FHOD3: variants seen among roughly 807,000 people sequenced by gnomAD.
FHOD3 encodes FH1/FH2 domain-containing protein 3.
Under a neutral mutation model 173.0 loss-of-function variants are expected in FHOD3, and 90 were observed. The observed-to-expected ratio is 0.52, with a 90% CI of 0.44 to 0.62. The LOEUF is 0.62. FHOD3 is among the 20% of genes least tolerant of loss of function. FHOD3 has a pLI of 0.00. For synonymous variants in FHOD3, 828 were observed against 823.0 expected (o/e 1.01, Z -0.10); for missense variants, 1,945 against 2,034.7 (o/e 0.96, Z 0.85).
intron 5 of FHOD3, among the ~76,000 whole-genome samples, chr18:36,525,852 C>G (rs188140308): frequency 7.9e-5 from 12 of 152,340 alleles, no homozygotes; most frequent in Admixed American, 7.2e-4. Flanking sequence ...ATAAAGGACT[C>G]TCTTCCACAC....
intron 9 of FHOD3, among the ~76,000 whole-genome samples, chr18:36,614,163 A>T (rs192714881): frequency 6.6e-6 from 1 of 152,250 alleles, no homozygotes; most frequent in East Asian, 1.9e-4. Context: ...GACACTCTAC[A>T]TTCTTCCCTG....
At chr18:36,369,442 C>A (rs1301473649) in intron 2 of FHOD3, among the ~76,000 whole-genome samples, 1 of 27,596 alleles carries the variant, frequency 3.6e-5, no homozygotes, top group Non-Finnish European at 5.9e-5. Flanking sequence ...TTTATTTAAA[C>A]ACACACACAC....
At chr18:36,366,099 C>A (rs958319674) in intron 2 of FHOD3, among the ~76,000 whole-genome samples, 1 of 152,146 alleles carries the variant, frequency 6.6e-6, no homozygotes, top group Non-Finnish European at 1.5e-5. Flanking sequence ...GTTGCACACA[C>A]AGGAGGCACA....
intron 3 of FHOD3, among the ~76,000 whole-genome samples, chr18:36,427,776 A>G (rs543999772): frequency 2.6e-5 from 4 of 152,334 alleles, no homozygotes; most frequent in South Asian, 4.1e-4. Flanking sequence ...AGATGGATGG[A>G]TGAATGGATA....
chr18:36,563,765 T>C (rs1394155571), intron 5 of FHOD3, among the ~76,000 whole-genome samples: 1 of 152,208 alleles, frequency 6.6e-6, no homozygotes, highest in African/African-American at 2.4e-5. Flanking sequence ...TGGAAACTCA[T>C]GTGTCTTCTC....
intron 1 of FHOD3, among the ~76,000 whole-genome samples, chr18:36,354,091 A>T (rs1014375050): frequency 1.3e-5 from 2 of 152,232 alleles, no homozygotes; most frequent in Non-Finnish European, 1.5e-5. Flanking sequence ...CTAAGGCAAG[A>T]CTGTGTGCCT....
intron 18 of FHOD3, 61 bp downstream of exon 18, chr18:36,709,452 G>A: frequency 6.5e-7 from 1 of 1,538,258 alleles, no homozygotes; most frequent in Non-Finnish European, 8.8e-7. Flanking sequence ...GCAGGGGCTG[G>A]TTCTCTAAGA....
At chr18:36,646,315 A>G (rs1260038415) in intron 10 of FHOD3, among the ~76,000 whole-genome samples, 1 of 152,196 alleles carries the variant, frequency 6.6e-6, no homozygotes, top group Admixed American at 6.5e-5. Flanking sequence ...ATACCTAAAA[A>G]TAAAGATATC....
chr18:36,653,399 A>T lies in FHOD3; in HGVS notation c.1704A>T (p.Arg568=). 1 of 1,533,234 alleles carries T rather than the reference A, an allele frequency of 6.5e-7. No homozygotes were observed. Among genetic ancestry groups the T allele is most frequent in the Non-Finnish European group, 8.7e-7 (1 of 1,145,080 alleles). The allele number at this position is 1,533,234 out of a possible 1,614,324, so 95.0% of individuals were successfully genotyped here. ...CTGCCTCTGAGCCTTACCACTTCCGATCTTTCTCTTCTAATAGGTGGGTGT... is the reference window on the plus strand; with the variant it reads ...CTGCCTCTGAGCCTTACCACTTCCGTTCTTTCTCTTCTAATAGGTGGGTGT... ...TYSASEPYHF[R]SFSSNRYSNF... The change falls in exon 13 of 29, where the codon CGA becomes CGT. Residue 568 remains arginine (R), a synonymous_variant. Transcript: ENST00000590592.
chr18:36,421,257 C>T (rs935093520), intron 3 of FHOD3, among the ~76,000 whole-genome samples: 2 of 151,300 alleles, frequency 1.3e-5, no homozygotes, highest in Non-Finnish European at 3.0e-5. Flanking sequence ...TAGGGAAATA[C>T]ACACAAATTG....
chr18:36,347,193 G>A (rs1006610465), intron 1 of FHOD3, among the ~76,000 whole-genome samples: 1 of 152,224 alleles, frequency 6.6e-6, no homozygotes, highest in African/African-American at 2.4e-5. Flanking sequence ...TGAATAAAGT[G>A]AAACGGAAAA....
At chr18:36,698,976 AG>A (rs2149552535) in intron 17 of FHOD3, among the ~76,000 whole-genome samples, 1 of 152,284 alleles carries the variant, frequency 6.6e-6, no homozygotes, top group African/African-American at 2.4e-5. Context: ...TTTGTCCCAG[AG>A]GGAGACATTG....
intron 3 of FHOD3, among the ~76,000 whole-genome samples, chr18:36,422,320 A>G (rs1338961654): frequency 6.6e-6 from 1 of 152,078 alleles, no homozygotes; most frequent in Admixed American, 6.6e-5. Context: ...AGAGCTTCCT[A>G]TTTCTTAACA....
intron 3 of FHOD3, among the ~76,000 whole-genome samples, chr18:36,444,152 C>G (rs2051324051): frequency 6.7e-6 from 1 of 150,156 alleles, no homozygotes; most frequent in Non-Finnish European, 1.5e-5. Context: ...GAGATCATGC[C>G]CCTGCCCTCC....
chr18:36,580,543 C>T (rs952792240), intron 6 of FHOD3, among the ~76,000 whole-genome samples: 9 of 152,216 alleles, frequency 5.9e-5, no homozygotes, highest in African/African-American at 1.7e-4. Context: ...GCAGGGTGTG[C>T]TCTGTTCTAG....
rs1410167470 is a variant in FHOD3, at chr18:36,718,307, G to A, written c.3009G>A (p.Glu1003=). The A allele has an allele frequency of 1.2e-6, 2 of 1,614,028 alleles. No homozygotes were observed. Among genetic ancestry groups the A allele is most frequent in the African/African-American group, 1.3e-5 (1 of 74,902 alleles). Residue 1003 remains glutamate, a synonymous_variant, in exon 19 of 29, where the codon GAG becomes GAA. Transcript: ENST00000590592. ...QDMDFTDLGE[E]DDIDVLDVDL... ...TGGATTTCACTGACCTGGGGGAGGA[G>A]GATGACATTGATGTCCTAGATGTGG...
At chr18:36,439,716 C>A (rs1348687839) in intron 3 of FHOD3, among the ~76,000 whole-genome samples, 1 of 152,088 alleles carries the variant, frequency 6.6e-6, no homozygotes, top group African/African-American at 2.4e-5. Flanking sequence ...GGCAGTGTAA[C>A]CTCTCAGTAT....
intron 3 of FHOD3, among the ~76,000 whole-genome samples, chr18:36,475,247 G>C (rs2053502065): frequency 6.6e-6 from 1 of 152,032 alleles, no homozygotes; most frequent in Non-Finnish European, 1.5e-5. Context: ...ATGGACTTGG[G>C]TGCTCACCTG....
At chr18:36,729,880 C>G (rs1232266526) in intron 19 of FHOD3, among the ~76,000 whole-genome samples, 1 of 152,210 alleles carries the variant, frequency 6.6e-6, no homozygotes, top group African/African-American at 2.4e-5. Flanking sequence ...GGACCTGCCT[C>G]TGAGGACCAC....
Sources: allele counts gnomAD v4.1 joint callset (sites outside exome capture counted in the v4.1 genomes callset), GRCh38; gene constraint gnomAD v4.1.1; transcripts MANE v1.5; gene names NCBI Gene and HGNC (gene_info 2026-07-23, HGNC 2026-07-21).